MDH2: variants seen among roughly 807,000 people sequenced by gnomAD.
The protein encoded by MDH2 is malate dehydrogenase 2.
MDH2 carries 25 observed loss-of-function variants against 33.6 expected under a neutral mutation model. The ratio of observed to expected loss-of-function variants is 0.74; its 90% CI spans 0.54 to 1.04. MDH2 has a LOEUF of 1.04. Among genes scored for constraint, MDH2 ranks in the 50% least tolerant of loss-of-function variants. The pLI, the probability that MDH2 is intolerant of heterozygous loss-of-function variation, is 0.00. For missense variants in MDH2, 432 were observed against 445.0 expected (o/e 0.97, Z 0.26); for synonymous variants, 193 against 188.7 (o/e 1.02, Z -0.19).
intron 7 of MDH2, 108 bp from the exon 8 acceptor site, chr7:76,064,692 TTC>T: frequency 7.9e-7 from 1 of 1,270,236 alleles, no homozygotes; most frequent in Non-Finnish European, 1.1e-6. Flanking sequence ...CTGACTGAAA[TTC>T]TCCACTGTCA....
intron 1 of MDH2, among the ~76,000 whole-genome samples, chr7:76,052,430 C>CAA (rs57185949): frequency 0.034 from 4,413 of 128,278 alleles, 241 homozygotes; most frequent in East Asian, 0.12. Flanking sequence ...GACCCTATCT[C>CAA]AAAAAAAAAA....
rs1797720219 is a variant in MDH2 at position 76,054,801 on chromosome 7, A to G, written c.67-29A>G. 1.9e-6 allele frequency: 3 copies of G among 1,613,732 alleles called. No homozygotes were observed. In the East Asian group the frequency reaches 6.7e-5, roughly 36 times the overall value. Reference sequence around the variant, plus strand: ...ATCCTTTTCATGCTCATTTCCTCCTAAGAGTCCTTTCTCTGTGCCTCTTTT... The same window carrying G: ...ATCCTTTTCATGCTCATTTCCTCCTGAGAGTCCTTTCTCTGTGCCTCTTTT... On this transcript the variant is annotated intron_variant, in intron 1 of 8. Coordinates refer to ENST00000315758, the MANE Select transcript of MDH2 (RefSeq NM_005918.4).
intron 5 of MDH2, 101 bp downstream of exon 5, chr7:76,060,599 C>T (rs1416741107): frequency 1.5e-5 from 23 of 1,505,756 alleles, no homozygotes; most frequent in African/African-American, 7.0e-5. Context: ...GCCCAGGTCA[C>T]GTGTCACTTT....
Position 76,058,070 on chromosome 7 carries a change from G to A in MDH2, c.421G>A (p.Ala141Thr), listed in dbSNP as rs782204186. The change falls in exon 4 of 9, where the codon GCC becomes ACC. Residue 141 changes from alanine to threonine, a missense_variant. By Grantham distance (58) the Ala-to-Thr change is moderately conservative. Coordinates refer to ENST00000315758, the MANE Select transcript of MDH2 (RefSeq NM_005918.4). Reference sequence around the variant, plus strand: ...CCCGGAAGCCATGATCTGCGTCATTGCCAATCCGGTGAGTGTGGCAGCACC... The same window carrying A: ...CCCGGAAGCCATGATCTGCGTCATTACCAATCCGGTGAGTGTGGCAGCACC... ...HCPEAMICVI[A>T]NPVNSTIPIT... 9.9e-6 allele frequency: 16 copies of A among 1,612,578 alleles called. No individual in the cohort carries two copies. Among genetic ancestry groups the A allele is most frequent in the East Asian group, 4.5e-5 (2 of 44,886 alleles).
chr7:76,055,830 ATT>A (rs34519552), intron 2 of MDH2, among the ~76,000 whole-genome samples: 1 of 141,944 alleles, frequency 7.0e-6, no homozygotes. Context: ...ATGTCACCAA[ATT>A]TTTTTTTTTT....
At chr7:76,064,297 T>A in intron 6 of MDH2, 42 bp from the exon 7 acceptor site, 6 of 1,525,958 alleles carry the variant, frequency 3.9e-6, no homozygotes, top group Non-Finnish European at 5.4e-6. Context: ...TCTGGGGTCA[T>A]GGGCCGGAAG....
At position 76,064,791 on chromosome 7, in the gene MDH2, T is replaced by G; in HGVS notation, c.734-11T>G. On this transcript the variant is annotated splice_polypyrimidine_tract_variant and intron_variant, in intron 7 of 8. Transcript: ENST00000315758. The stretch of plus-strand genomic sequence containing the variant: ...GGCACCAGCCAGGCTGACCTGTCTG[T>G]GCCCCCCTAGGCTCTGCCACCCTCT... 6.2e-7 allele frequency: 1 copy of G among 1,612,186 alleles called. No individual in the cohort carries two copies. Among genetic ancestry groups the G allele is most frequent in the Non-Finnish European group, 8.5e-7 (1 of 1,179,376 alleles).
intron 5 of MDH2, among the ~76,000 whole-genome samples, chr7:76,062,196 C>A (rs1465293): frequency 0.024 from 3,586 of 152,338 alleles, 136 homozygotes; most frequent in African/African-American, 0.08. Flanking sequence ...CATCCTCTCA[C>A]CCACCATATT....
chr7:76,049,043 A>C (rs1797488913), intron 1 of MDH2: 19 of 979,716 alleles, frequency 1.9e-5, no homozygotes, highest in Middle Eastern at 5.3e-4. Flanking sequence ...AATTTTGAGA[A>C]CCCAGGAGGT....
At chr7:76,057,537 T>G in intron 3 of MDH2, 44 bp downstream of exon 3, 1 of 1,557,946 alleles carries the variant, frequency 6.4e-7, no homozygotes, top group Non-Finnish European at 8.8e-7. Context: ...CACGTGAAGA[T>G]GTGGGGATTA....
rs782630819 is a variant in MDH2 at position 76,063,562 on chromosome 7, T to C, written c.603T>C (p.Ala201=). The change falls in exon 6 of 9, where the codon GCT becomes GCC. Residue 201 remains alanine, a synonymous_variant. Coordinates refer to ENST00000315758, the MANE Select transcript of MDH2 (RefSeq NM_005918.4). ...RVNVPVIGGH[A]GKTIIPLISQ... ...ACGTCCCTGTCATTGGTGGCCATGC[T>C]GGGAAGACCATCATCCCCCTGATCT... The C allele has an allele frequency of 6.2e-7, 1 of 1,614,242 alleles. No homozygotes were observed. The highest frequency in any genetic ancestry group is 1.1e-5 in the South Asian group (1 of 91,084).
chr7:76,059,046 C>T (rs1441008726), intron 4 of MDH2, among the ~76,000 whole-genome samples: 3 of 152,180 alleles, frequency 2.0e-5, no homozygotes, highest in South Asian at 2.1e-4. Flanking sequence ...CAGGTTCAAG[C>T]GATTCTTCTG....
At chr7:76,060,224 T>G (rs1797907147) in intron 4 of MDH2, 149 bp from the exon 5 acceptor site, 2 of 1,044,946 alleles carry the variant, frequency 1.9e-6, no homozygotes, top group African/African-American at 3.3e-5. Context: ...GGCTTGCCAG[T>G]ACAGAGTTAT....
chr7:76,061,742 G>T (rs1186893213), intron 5 of MDH2, among the ~76,000 whole-genome samples: 1 of 151,416 alleles, frequency 6.6e-6, no homozygotes. Context: ...CAACAGGCAG[G>T]ATCCCACCTC....
intron 3 of MDH2, 134 bp downstream of exon 3, chr7:76,057,627 G>C: frequency 6.8e-6 from 6 of 876,536 alleles, no homozygotes; most frequent in Non-Finnish European, 8.9e-6. Flanking sequence ...TTTCCTGTGG[G>C]GTAAAGGTCA....
intron 1 of MDH2, among the ~76,000 whole-genome samples, chr7:76,050,064 C>T (rs1397441576): frequency 6.6e-6 from 1 of 151,276 alleles, no homozygotes; most frequent in African/African-American, 2.5e-5. Context: ...CAGAGTCCCA[C>T]TCTGTTGCCC....
At position 76,054,264 on chromosome 7, in the gene MDH2, G is replaced by A. The variant is rs146611115; in HGVS notation, c.67-566G>A. Among the ~76,000 whole-genome samples, 316 of 152,258 alleles carry A rather than the reference G, an allele frequency of 2.1e-3. 2 individuals are homozygous for A. The highest frequency in any genetic ancestry group is 7.2e-3 in the African/African-American group (298 of 41,542). ...TCCACCTCTTGTTAGGCAGCTCCTTGTCCTGCCTGAGGCTCCAGCCACAAG... is the reference window on the plus strand; with the variant it reads ...TCCACCTCTTGTTAGGCAGCTCCTTATCCTGCCTGAGGCTCCAGCCACAAG... On this transcript the variant is annotated intron_variant, in intron 1 of 8. Coordinates refer to ENST00000315758, the MANE Select transcript of MDH2 (RefSeq NM_005918.4).
intron 4 of MDH2, among the ~76,000 whole-genome samples, chr7:76,060,127 T>C (rs1797905048): frequency 6.6e-6 from 1 of 152,160 alleles, no homozygotes; most frequent in South Asian, 2.1e-4. Context: ...TTTCAGTTGA[T>C]AGCTGAAGGG....
intron 4 of MDH2, among the ~76,000 whole-genome samples, chr7:76,059,315 G>A (rs1401858628): frequency 6.6e-6 from 1 of 152,188 alleles, no homozygotes; most frequent in Non-Finnish European, 1.5e-5. Context: ...CTGACTGCTG[G>A]TAATTAACAC....
Sources: allele counts gnomAD v4.1 joint callset (sites outside exome capture counted in the v4.1 genomes callset), GRCh38; gene constraint gnomAD v4.1.1; transcripts MANE v1.5; gene names NCBI Gene and HGNC (gene_info 2026-07-23, HGNC 2026-07-21).